Variants in POLR1A observed in about 807,000 individuals in gnomAD.
POLR1A encodes the protein DNA-directed RNA polymerase I subunit RPA1.
POLR1A carries 84 observed loss-of-function variants against 205.3 expected under a neutral mutation model. The observed-to-expected ratio is 0.41, with a 90% confidence interval of 0.34 to 0.49. The LOEUF (loss-of-function observed/expected upper bound fraction) is 0.49, where lower values mean the gene tolerates loss of function less well. Among genes scored for constraint, POLR1A ranks in the 20% least tolerant of loss-of-function variants. POLR1A has a pLI of 0.22. For synonymous variants in POLR1A, 799 were observed against 863.7 expected, an observed-to-expected ratio of 0.93 and a Z score of 1.31; for missense variants, 1,645 against 2,204.5, an observed-to-expected ratio of 0.75 and a Z score of 5.08.
At chr2:86,046,874 A>G (rs6755228) in intron 19 of POLR1A, among the ~76,000 whole-genome samples, 9,885 of 152,224 alleles carry the variant, frequency 0.065, 796 homozygotes, top group African/African-American at 0.19. Context: ...AAAATTACGT[A>G]AAAATTGTGT....
At chr2:86,050,659 T>C (rs930654504) in intron 16 of POLR1A, among the ~76,000 whole-genome samples, 2 of 152,180 alleles carry the variant, frequency 1.3e-5, no homozygotes, top group Non-Finnish European at 2.9e-5. Flanking sequence ...CCTGGCACCT[T>C]TGTTAAGTTT....
chr2:86,039,770 G>A (rs1018876719), intron 25 of POLR1A, among the ~76,000 whole-genome samples: 1 of 152,246 alleles, frequency 6.6e-6, no homozygotes, highest in African/African-American at 2.4e-5. Context: ...AACAAGCGAT[G>A]CAGGGAAGGC....
intron 2 of POLR1A, among the ~76,000 whole-genome samples, chr2:86,099,356 T>TAA (rs1183556765): frequency 2.9e-4 from 37 of 128,332 alleles, no homozygotes; most frequent in African/African-American, 8.0e-4. Flanking sequence ...GACACTGTCT[T>TAA]AAAAAAAAAA....
At chr2:86,054,327 A>C (rs1357916354) in intron 14 of POLR1A, 38 bp from the exon 15 acceptor site, 5 of 1,605,824 alleles carry the variant, frequency 3.1e-6, no homozygotes, top group African/African-American at 1.3e-5. Flanking sequence ...GGCAAAAAGA[A>C]AAGTGATGGC....
chr2:86,093,405 A>G (rs1673644479), intron 3 of POLR1A, among the ~76,000 whole-genome samples: 1 of 152,218 alleles, frequency 6.6e-6, no homozygotes, highest in Admixed American at 6.5e-5. Context: ...TTTGGTGAAC[A>G]TTTTCTATAA....
chr2:86,083,041 C>T (rs772469265), intron 7 of POLR1A, 41 bp downstream of exon 7: 4 of 1,427,718 alleles, frequency 2.8e-6, no homozygotes, highest in South Asian at 2.3e-5. Context: ...AAATAAAAGC[C>T]TAGAGAAGAT....
In POLR1A at chr2:86,040,479, C is replaced by T; in HGVS notation, c.3653G>A (p.Ser1218Asn). The change falls in exon 25 of 34, where the codon AGC (serine) becomes AAC (asparagine). Residue 1218 changes from serine (S) to asparagine (N), a missense_variant. Physicochemically the swap from Ser to Asn is conservative, Grantham distance 46 (BLOSUM62 1). Coordinates refer to ENST00000263857, the MANE Select transcript of POLR1A (RefSeq NM_015425.6). The part of the protein sequence containing the change: ...GEAVGLLAAQ[S>N]IGEPSTQMTL... ...CATCTGGGTGGAGGGCTCTCCGATG[C>T]TCTGGGCAGCCAGCAGGCCCACAGC... is the stretch of plus-strand genomic sequence containing the variant. The T allele has an allele frequency of 6.2e-7, 1 of 1,613,582 alleles. No homozygotes were observed. Among genetic ancestry groups the T allele is most frequent in the Non-Finnish European group, 8.5e-7 (1 of 1,179,778 alleles).
At position 86,047,452 on chromosome 2, in the gene POLR1A, A is replaced by G. The variant is rs554090276; in HGVS notation, c.2635-189T>C. 2.0e-5 allele frequency among the ~76,000 whole-genome samples: 3 copies of G among 152,350 alleles called. No homozygotes were observed. The East Asian group carries it at 5.8e-4, about 29-fold the overall frequency. On this transcript the variant is annotated intron_variant, in intron 18 of 33. Transcript: ENST00000263857. ...CTTCCCTGGAACCCCTGAGAGGTCA[A>G]ACAGGTGCTCCCTGCCCTGCACTCG...
At chr2:86,090,557 C>G (rs1673584568) in intron 3 of POLR1A, among the ~76,000 whole-genome samples, 1 of 152,116 alleles carries the variant, frequency 6.6e-6, no homozygotes, top group African/African-American at 2.4e-5. Context: ...ATAACCAGAG[C>G]AAACTAAAGG....
rs1296289510 is a variant in POLR1A at position 86,080,892 on chromosome 2, A to G, written c.1010T>C (p.Leu337Pro). The G allele has an allele frequency of 6.2e-7, 1 of 1,614,208 alleles. No individual in the cohort carries two copies. The highest frequency in any genetic ancestry group is 1.1e-5 in the South Asian group (1 of 91,078). The change falls in exon 9 of 34, where the codon CTG becomes CCG. Residue 337 changes from leucine (L) to proline (P), a missense_variant. Transcript: ENST00000263857. The stretch of plus-strand genomic sequence containing the variant: ...CATCAATGCCAGAAGTTTTCGAATC[A>G]GAACTACATCCTTCATGACAGCCTG... The part of the protein sequence containing the change: ...NLQAVMKDVV[L>P]IRKLLALMAQ...
intron 3 of POLR1A, among the ~76,000 whole-genome samples, chr2:86,094,190 CTA>C (rs1271708799): frequency 2.6e-5 from 4 of 152,160 alleles, no homozygotes; most frequent in South Asian, 2.1e-4. Context: ...TTAAAAAAGA[CTA>C]TGTGTGTGTA....
chr2:86,090,884 G>A (rs1558785037), intron 3 of POLR1A, among the ~76,000 whole-genome samples: 1 of 152,228 alleles, frequency 6.6e-6, no homozygotes, highest in African/African-American at 2.4e-5. Context: ...GTTTGAGGCT[G>A]CAGTGCGCTA....
rs527357072 is a variant in POLR1A at position 86,023,052 on chromosome 2, C to T, written c.*4371G>A. ...TCTCTACTAAAAATACAGAATCGAT[C>T]TTTTTAAAAAGCTCCCTAAGTGTTT... On this transcript the variant is annotated 3_prime_UTR_variant, in exon 34 of 34. Transcript: ENST00000263857. 1.3e-5 allele frequency: 2 copies of T among 152,272 alleles called. No individual in the cohort carries two copies. Among genetic ancestry groups the T allele is most frequent in the East Asian group, 1.9e-4 (1 of 5,186 alleles). 9.4% of individuals were successfully genotyped at this position (152,272 alleles called of 1,614,324 possible). A position where few individuals can be genotyped will look rare whatever the true frequency, so the allele number is the denominator to read the frequency against.
chr2:86,033,937 C>T, intron 27 of POLR1A, 150 bp from the exon 28 acceptor site: 1 of 966,852 alleles, frequency 1.0e-6, no homozygotes, highest in Non-Finnish European at 1.5e-6. Flanking sequence ...CTTGTCCCTA[C>T]CCGCTGTTTT....
intron 14 of POLR1A, among the ~76,000 whole-genome samples, chr2:86,064,986 G>A (rs548444192): frequency 6.6e-6 from 1 of 152,150 alleles, no homozygotes; most frequent in Admixed American, 6.5e-5. Flanking sequence ...TGTTAGCCAG[G>A]CTGGTCTCAA....
chr2:86,047,762 C>T (rs1205276499), intron 18 of POLR1A, among the ~76,000 whole-genome samples: 1 of 152,202 alleles, frequency 6.6e-6, no homozygotes, highest in East Asian at 1.9e-4. Flanking sequence ...GCCAGCAGAA[C>T]CAAGCATGCC....
intron 14 of POLR1A, among the ~76,000 whole-genome samples, chr2:86,054,899 G>C (rs180676368): frequency 1.8e-4 from 27 of 152,390 alleles, no homozygotes; most frequent in Admixed American, 1.8e-3. Flanking sequence ...AGATGAAGCA[G>C]GGCAGGGGCA....
rs202201209 is a variant in POLR1A, at chr2:86,028,628, G to A, written c.4863C>T (p.Ile1621=). 74 of 1,613,990 alleles carry A rather than the reference G, an allele frequency of 4.6e-5. No homozygotes were observed. The highest frequency in any genetic ancestry group is 3.7e-4 in the Admixed American group (22 of 60,028). ...CAAACACATCCTTGATCTCCTTCTC[G>A]ATCACCCGCAGCGCGGCCTCAATGC... is the stretch of plus-strand genomic sequence containing the variant. ...TYGIEAALRV[I]EKEIKDVFAV... is the part of the protein sequence containing the mutation. The change falls in exon 32 of 34, where the codon ATC becomes ATT. Residue 1621 remains isoleucine, a synonymous_variant. Transcript: ENST00000263857. This position sits in a 1 kb window ranked among gnomAD's most constrained non-coding sequence, Gnocchi z 4.5.
At position 86,026,698 on chromosome 2, in the gene POLR1A, T is replaced by G. The variant is rs1335187397; in HGVS notation, c.*725A>C. ...CCCCAGCAGTGACCTGGGTTCTATG[T>G]GTGGGAGTGAACTGCTGCGGCCCTG... On this transcript the variant is annotated 3_prime_UTR_variant, in exon 34 of 34. Transcript: ENST00000263857. 1 of 152,564 alleles carries G rather than the reference T, an allele frequency of 6.6e-6. No homozygotes were observed. The highest frequency in any genetic ancestry group is 1.5e-5 in the Non-Finnish European group (1 of 68,326). The allele number at this position is 152,564 out of a possible 1,614,324, so 9.5% of individuals were successfully genotyped here.
Sources: allele counts gnomAD v4.1 joint callset (sites outside exome capture counted in the v4.1 genomes callset), GRCh38; gene constraint gnomAD v4.1.1; non-coding constraint Gnocchi (gnomAD v3.1); transcripts MANE v1.5; gene names NCBI Gene and HGNC (gene_info 2026-07-23, HGNC 2026-07-21).